Variants in CEP83 observed in about 807,000 individuals in gnomAD.
CEP83 encodes the protein centrosomal protein 83, also known as centrosomal protein of 83 kDa.
CEP83 carries 70 observed loss-of-function variants against 101.9 expected under a neutral mutation model. The ratio of observed to expected loss-of-function variants is 0.69; its 90% CI spans 0.57 to 0.84. CEP83 has a LOEUF of 0.84. Among genes scored for constraint, CEP83 ranks in the 40% least tolerant of loss-of-function variants. The pLI, the probability that CEP83 is intolerant of heterozygous loss-of-function variation, is 0.00. For missense variants in CEP83, 715 were observed against 787.2 expected (o/e 0.91, Z 1.10); for synonymous variants, 264 against 267.9 (o/e 0.99, Z 0.14).
At chr12:94,372,558 A>C (rs746046326) in intron 8 of CEP83, among the ~76,000 whole-genome samples, 9 of 152,230 alleles carry the variant, frequency 5.9e-5, no homozygotes, top group South Asian at 4.1e-4. Context: ...TTTCATTAAC[A>C]AACATACTAT....
At chr12:94,309,463 C>G (rs1327142756) in intron 16 of CEP83, among the ~76,000 whole-genome samples, 1 of 152,138 alleles carries the variant, frequency 6.6e-6, no homozygotes, top group Non-Finnish European at 1.5e-5. Flanking sequence ...TGACCTTATG[C>G]AAGTCACTTC....
At chr12:94,404,745 T>C (rs2063441849) in intron 4 of CEP83, among the ~76,000 whole-genome samples, 1 of 152,154 alleles carries the variant, frequency 6.6e-6, no homozygotes, top group Non-Finnish European at 1.5e-5. Flanking sequence ...AATAAAATAA[T>C]TCAAACAAAA....
At chr12:94,364,958 G>C (rs1181562645) in intron 11 of CEP83, among the ~76,000 whole-genome samples, 1 of 152,140 alleles carries the variant, frequency 6.6e-6, no homozygotes, top group Non-Finnish European at 1.5e-5. Flanking sequence ...AGTTCAGGGA[G>C]AGAGTACTAA....
intron 1 of CEP83, among the ~76,000 whole-genome samples, chr12:94,440,330 C>A (rs80354559): frequency 6.6e-6 from 1 of 152,038 alleles, no homozygotes; most frequent in African/African-American, 2.4e-5. Flanking sequence ...TAAATGAATT[C>A]GGCAAAGTTT....
chr12:94,297,205 T>A, the CEP83 span: 1 of 1,614,022 alleles, frequency 6.2e-7, no homozygotes, highest in African/African-American at 1.3e-5. Context: ...AGTACTCGGA[T>A]GACCACTGCC....
At chr12:94,442,382 G>A (rs1229400748) in intron 1 of CEP83, among the ~76,000 whole-genome samples, 1 of 151,400 alleles carries the variant, frequency 6.6e-6, no homozygotes, top group Non-Finnish European at 1.5e-5. Flanking sequence ...AGGGAGGGGG[G>A]TGAGGGTTAA....
At chr12:94,328,760 T>A (rs1229897481) in intron 14 of CEP83, among the ~76,000 whole-genome samples, 1 of 152,196 alleles carries the variant, frequency 6.6e-6, no homozygotes, top group Non-Finnish European at 1.5e-5. Context: ...GTAAAGTATT[T>A]GGAATCAAGG....
Position 94,412,317 on chromosome 12 carries a change from C to T in CEP83, c.173+1G>A. On this transcript the variant is annotated splice_donor_variant, in intron 3 of 16. Coordinates refer to ENST00000397809, the MANE Select transcript of CEP83 (RefSeq NM_016122.3). LOFTEE classifies it high-confidence loss of function. ...CCCACTTCTAGATTTAAGTAATTTA[C>T]CTTGTGTGTTCAGCCTTCAGTGTCT... 2 of 1,589,842 alleles carry T rather than the reference C, an allele frequency of 1.3e-6. No individual in the cohort carries two copies. Among genetic ancestry groups the T allele is most frequent in the South Asian group, 1.2e-5 (1 of 86,288 alleles).
At chr12:94,283,969 G>C in the CEP83 span, among the ~76,000 whole-genome samples, 1 of 151,912 alleles carries the variant, frequency 6.6e-6, no homozygotes, top group Non-Finnish European at 1.5e-5. Context: ...TGTAATCCCA[G>C]CTACTTGGGA....
At chr12:94,425,439 C>T (rs1377560374) in intron 2 of CEP83, among the ~76,000 whole-genome samples, 3 of 152,198 alleles carry the variant, frequency 2.0e-5, no homozygotes, top group African/African-American at 4.8e-5. Flanking sequence ...TGTTATCCTA[C>T]ACTTATAAAA....
At chr12:94,309,564 T>C (rs552226726) in intron 16 of CEP83, among the ~76,000 whole-genome samples, 2 of 152,302 alleles carry the variant, frequency 1.3e-5, no homozygotes, top group African/African-American at 4.8e-5. Context: ...GCACGGAACA[T>C]GCACAGTTCA....
chr12:94,449,792 A>T (rs867854862), intron 1 of CEP83, among the ~76,000 whole-genome samples: 1 of 128,016 alleles, frequency 7.8e-6, no homozygotes, highest in African/African-American at 2.6e-5. Context: ...AAAAAAAAAA[A>T]AAAAAAAAAA....
At chr12:94,317,453 A>G (rs1394645104) in intron 14 of CEP83, among the ~76,000 whole-genome samples, 1 of 152,112 alleles carries the variant, frequency 6.6e-6, no homozygotes, top group East Asian at 1.9e-4. Flanking sequence ...TTTTGTCGTG[A>G]TTGCTTTTGG....
rs543582601 is a variant in CEP83 at position 94,404,362 on chromosome 12, T to C, written c.325-1100A>G. Among the ~76,000 whole-genome samples, 18 of 152,222 alleles carry C rather than the reference T, an allele frequency of 1.2e-4. No individual in the cohort carries two copies. In the South Asian group the frequency reaches 2.1e-3, roughly 18 times the overall value. ...CTAAAGCTTATATAGAACCCTTATA[T>C]AGAAAGCTTATAGAACCCAAACTCA... On this transcript the variant is annotated intron_variant, in intron 4 of 16. Transcript: ENST00000397809.
At chr12:94,384,903 G>C (rs1256203182) in intron 6 of CEP83, among the ~76,000 whole-genome samples, 1 of 152,176 alleles carries the variant, frequency 6.6e-6, no homozygotes, top group Non-Finnish European at 1.5e-5. Context: ...GCATCTATTA[G>C]TGTGTTTTAC....
the CEP83 span, among the ~76,000 whole-genome samples, chr12:94,299,432 G>T: frequency 6.6e-6 from 1 of 152,328 alleles, no homozygotes; most frequent in South Asian, 2.1e-4. Flanking sequence ...AGGCTTTCCA[G>T]GCACTGAGGG....
chr12:94,420,542 TTTC>T (rs1301616788), intron 2 of CEP83, among the ~76,000 whole-genome samples: 1 of 152,162 alleles, frequency 6.6e-6, no homozygotes, highest in Non-Finnish European at 1.5e-5. Context: ...ATTCATAAAC[TTTC>T]TTAAAACCTT....
At chr12:94,416,863 T>C (rs747856901) in intron 2 of CEP83, among the ~76,000 whole-genome samples, 41 of 151,972 alleles carry the variant, frequency 2.7e-4, no homozygotes, top group Non-Finnish European at 4.0e-4. Flanking sequence ...TGGAGACTTA[T>C]GACAGGCAGA....
chr12:94,347,092 CAT>C (rs1481127966), intron 11 of CEP83, among the ~76,000 whole-genome samples: 14 of 150,080 alleles, frequency 9.3e-5, no homozygotes, highest in South Asian at 4.2e-4. Flanking sequence ...CACACACACA[CAT>C]ACACACACAC....
Sources: gnomAD v4.1 joint callset for allele counts (sites outside exome capture counted in the v4.1 genomes callset) on GRCh38, gnomAD v4.1.1 for gene constraint, MANE v1.5 for transcripts, NCBI Gene and HGNC (gene_info 2026-07-23, HGNC 2026-07-21) for gene names.